ADAMTS9: variants seen among roughly 807,000 people sequenced by gnomAD.
ADAMTS9 encodes A disintegrin and metalloproteinase with thrombospondin motifs 9.
A neutral mutation model predicts 257.1 loss-of-function variants in ADAMTS9; 107 were observed. The observed-to-expected ratio is 0.42, with a 90% CI of 0.36 to 0.49. The LOEUF is 0.49. Among genes scored for constraint, ADAMTS9 ranks in the 20% least tolerant of loss-of-function variants. The pLI is 0.03. For missense variants in ADAMTS9, 2,353 were observed against 2,469.1 expected, an observed-to-expected ratio of 0.95 and a Z score of 1.00; for synonymous variants, 982 against 880.9, an observed-to-expected ratio of 1.11 and a Z score of -2.03.
At chr3:64,656,577 G>T (rs1701075589) in intron 4 of ADAMTS9, among the ~76,000 whole-genome samples, 1 of 152,142 alleles carries the variant, frequency 6.6e-6, no homozygotes, top group African/African-American at 2.4e-5. Flanking sequence ...AGAAGAGCCA[G>T]AACTCTCAAC....
rs2084510905 is a variant in ADAMTS9 at position 64,603,953 on chromosome 3, C to T, written c.3716G>A (p.Cys1239Tyr). The T allele has an allele frequency of 6.2e-7, 1 of 1,614,004 alleles. No individual in the cohort carries two copies. Among genetic ancestry groups the T allele is most frequent in the East Asian group, 2.2e-5 (1 of 44,852 alleles). The change falls in exon 25 of 40, where the codon TGT (cysteine) becomes TAT (tyrosine). Residue 1239 changes from cysteine (C) to tyrosine (Y), a missense_variant. Physicochemically the swap from Cys to Tyr is radical, Grantham distance 194. This residue lies in a region of ADAMTS9 where 1,402 missense variants were observed against 1,441.4 expected (regional missense o/e 0.97). Transcript: ENST00000498707. Reference protein sequence around the residue: ...VAKEECSVTPCGQWKALDWSS... With the variant: ...VAKEECSVTPYGQWKALDWSS... ...CCAGTCCAAGGCCTTCCATTGCCCA[C>T]AGGGTGTCACAGAACATTCTTCCTT...
chr3:64,541,208 C>T lies in ADAMTS9; in HGVS notation c.5408G>A (p.Cys1803Tyr). 6.2e-7 allele frequency: 1 copy of T among 1,614,182 alleles called. No individual in the cohort carries two copies. Among genetic ancestry groups the T allele is most frequent in the Non-Finnish European group, 8.5e-7 (1 of 1,180,026 alleles). ...YGHRLHNPTE[C>Y]PYNGSRRDDC... is the part of the protein sequence containing the mutation. The stretch of plus-strand genomic sequence containing the variant: ...ATCGCGCCGGCTCCCGTTATAGGGA[C>T]ATTCTGTTGGGTTGTGTAACCTAAA... Residue 1803 changes from cysteine to tyrosine, a missense_variant, in exon 36 of 40, where the codon TGT becomes TAT. By Grantham distance (194) the Cys-to-Tyr change is radical. This residue lies in a region of ADAMTS9 where 1,402 missense variants were observed against 1,441.4 expected (regional missense o/e 0.97). Transcript: ENST00000498707.
chr3:64,684,914 T>TG (rs1176756576), intron 2 of ADAMTS9: 1 of 152,234 alleles, frequency 6.6e-6, no homozygotes, highest in Non-Finnish European at 1.5e-5. Context: ...GTCCTGGAAT[T>TG]GGGGGTTACT....
At chr3:64,636,802 G>A (rs1700511193) in intron 12 of ADAMTS9, among the ~76,000 whole-genome samples, 1 of 152,204 alleles carries the variant, frequency 6.6e-6, no homozygotes, top group African/African-American at 2.4e-5. Flanking sequence ...TCGTATATCA[G>A]TAAGGTTGAG....
At chr3:64,679,496 A>C (rs1322771091) in intron 3 of ADAMTS9, among the ~76,000 whole-genome samples, 1 of 152,264 alleles carries the variant, frequency 6.6e-6, no homozygotes, top group Non-Finnish European at 1.5e-5. Context: ...AAGGTGGTAC[A>C]TGTACAGTGC....
At chr3:64,641,103 A>G (rs967392967) in intron 12 of ADAMTS9, among the ~76,000 whole-genome samples, 2 of 152,204 alleles carry the variant, frequency 1.3e-5, no homozygotes, top group Non-Finnish European at 2.9e-5. Context: ...AAAGAAAAAA[A>G]ATAAAAAGTA....
chr3:64,687,672 CT>C lies in ADAMTS9; in HGVS notation c.-16del. 1 of 1,495,186 alleles carries C rather than the reference CT, an allele frequency of 6.7e-7. No homozygotes were observed. Among genetic ancestry groups the C allele is most frequent in the Non-Finnish European group, 9.0e-7 (1 of 1,111,946 alleles). The allele number at this position is 1,495,186 out of a possible 1,614,324, so 92.6% of individuals were successfully genotyped here. The stretch of plus-strand genomic sequence containing the variant: ...ACAAACTGCATGGTGCTTCCCACCC[CT>C]CCCTCCGCTGCCCCCACCCCCCTCC... On this transcript the variant is annotated 5_prime_UTR_variant, in exon 1 of 40. Coordinates refer to ENST00000498707, the MANE Select transcript of ADAMTS9 (RefSeq NM_182920.2). This position sits in a 1 kb window ranked among gnomAD's most constrained non-coding sequence, Gnocchi z 4.4.
At chr3:64,654,522 A>C in intron 7 of ADAMTS9, 50 bp downstream of exon 7, 1 of 1,481,272 alleles carries the variant, frequency 6.8e-7, no homozygotes, top group Non-Finnish European at 8.9e-7. Context: ...TGAAATACAA[A>C]CATGTAGTAA....
chr3:64,626,086 T>C (rs1264206884), intron 16 of ADAMTS9, among the ~76,000 whole-genome samples: 1 of 152,334 alleles, frequency 6.6e-6, no homozygotes, highest in Admixed American at 6.5e-5. Flanking sequence ...TTTCTTCCTC[T>C]GTATAATGAG....
intron 25 of ADAMTS9, among the ~76,000 whole-genome samples, chr3:64,602,464 G>C (rs1212227481): frequency 6.6e-6 from 1 of 152,100 alleles, no homozygotes; most frequent in Non-Finnish European, 1.5e-5. Flanking sequence ...TCCTTCCAGT[G>C]ATTTTCCAAC....
At chr3:64,685,664 G>A (rs1383680988) in intron 2 of ADAMTS9, among the ~76,000 whole-genome samples, 1 of 152,180 alleles carries the variant, frequency 6.6e-6, no homozygotes, top group Non-Finnish European at 1.5e-5. Context: ...GAACCAACGT[G>A]GATTCCCTGC....
chr3:64,527,722 T>A (rs2082927718), intron 38 of ADAMTS9, among the ~76,000 whole-genome samples: 1 of 152,162 alleles, frequency 6.6e-6, no homozygotes, highest in African/African-American at 2.4e-5. Flanking sequence ...AATGTCTAAT[T>A]TCTATAGGAA....
At chr3:64,536,589 G>T (rs980401366) in intron 37 of ADAMTS9, among the ~76,000 whole-genome samples, 1 of 152,188 alleles carries the variant, frequency 6.6e-6, no homozygotes, top group African/African-American at 2.4e-5. Flanking sequence ...GACACACTTA[G>T]GTTCAAATCC....
At chr3:64,558,013 C>T (rs2083363513) in intron 30 of ADAMTS9, among the ~76,000 whole-genome samples, 2 of 152,154 alleles carry the variant, frequency 1.3e-5, no homozygotes, top group South Asian at 2.1e-4. Flanking sequence ...CAAGACTCGC[C>T]TGGTGACATG....
At chr3:64,552,520 T>C (rs904861374) in intron 30 of ADAMTS9, among the ~76,000 whole-genome samples, 4 of 152,146 alleles carry the variant, frequency 2.6e-5, no homozygotes, top group African/African-American at 9.7e-5. Flanking sequence ...AACGGGCTTA[T>C]CTAACAACTG....
Position 64,687,617 on chromosome 3 carries a change from A to C in ADAMTS9, c.41T>G (p.Val14Gly). The change falls in exon 1 of 40, where the codon GTG becomes GGG. Residue 14 changes from valine (V) to glycine (G), a missense_variant. This residue lies in a region of ADAMTS9 where 591 missense variants were observed against 569.6 expected (regional missense o/e 1.04). Coordinates refer to ENST00000498707, the MANE Select transcript of ADAMTS9 (RefSeq NM_182920.2). This position sits in a 1 kb window ranked among gnomAD's most constrained non-coding sequence, Gnocchi z 4.4. ...GCTCCCCATCTCGGCCAGGTCCCGC[A>C]CCAGGAGCGTTAGCAGTGTGGCCCA... ...VSWATLLTLLVRDLAEMGSPD... is the reference protein window; with the variant it reads ...VSWATLLTLLGRDLAEMGSPD... The C allele has an allele frequency of 6.3e-7, 1 of 1,586,078 alleles. No individual in the cohort carries two copies. Among genetic ancestry groups the C allele is most frequent in the Non-Finnish European group, 8.6e-7 (1 of 1,167,840 alleles).
At chr3:64,642,831 T>A (rs1284582587) in intron 11 of ADAMTS9, among the ~76,000 whole-genome samples, 1 of 152,004 alleles carries the variant, frequency 6.6e-6, no homozygotes, top group African/African-American at 2.4e-5. Context: ...TGTCGTGATT[T>A]ATCCCCAGGG....
At position 64,658,693 on chromosome 3, in the gene ADAMTS9, C is replaced by A. The variant is rs544021827; in HGVS notation, c.778G>T (p.Gly260Cys). 3 of 1,614,100 alleles carry A rather than the reference C, an allele frequency of 1.9e-6. No homozygotes were observed. The highest frequency in any genetic ancestry group is 1.7e-6 in the Non-Finnish European group (2 of 1,180,026). ...LAGDVAALNS[G>C]LATEAFSAYG... ...GCAGAAAATGCCTCTGTTGCTAAGC[C>A]GCTGTTTAATGCTGCTACGTCACCA... Residue 260 changes from glycine to cysteine, a missense_variant, in exon 4 of 40, where the codon GGC becomes TGC. Physicochemically the swap from Gly to Cys is radical, Grantham distance 159 (BLOSUM62 -3). Around this residue, in one of 3 missense-constraint regions of ADAMTS9, gnomAD observed 591 missense variants for 569.6 expected, o/e 1.04. Coordinates refer to ENST00000498707, the MANE Select transcript of ADAMTS9 (RefSeq NM_182920.2).
chr3:64,676,001 T>C (rs1240606975), intron 3 of ADAMTS9, among the ~76,000 whole-genome samples: 2 of 152,172 alleles, frequency 1.3e-5, no homozygotes, highest in South Asian at 2.1e-4. Flanking sequence ...TACCTTCTAA[T>C]GGGAGTGATA....
Sources: gnomAD v4.1 joint callset for allele counts (sites outside exome capture counted in the v4.1 genomes callset) on GRCh38, gnomAD v4.1.1 for gene constraint, gnomAD v4.1.1 regional missense constraint, Gnocchi (gnomAD v3.1) non-coding constraint, MANE v1.5 for transcripts, NCBI Gene and HGNC (gene_info 2026-07-23, HGNC 2026-07-21) for gene names.